BARD1: variants seen among roughly 807,000 people sequenced by gnomAD.
BARD1 encodes BRCA1 associated RING domain 1, also known as BRCA1-associated RING domain protein 1.
In BARD1, 73 loss-of-function variants were observed where a neutral mutation model predicts 77.0. The ratio of observed to expected loss-of-function variants is 0.95; its 90% CI spans 0.79 to 1.15. The LOEUF is 1.15. BARD1 is among the 50% of genes most tolerant of loss of function. The pLI is 0.00. For missense variants in BARD1, 993 were observed against 938.8 expected, an observed-to-expected ratio of 1.06 and a Z score of -0.75; for synonymous variants, 384 against 338.0, an observed-to-expected ratio of 1.14 and a Z score of -1.49.
chr2:214,781,888 A>G (rs1285004186), intron 3 of BARD1, among the ~76,000 whole-genome samples: 1 of 152,210 alleles, frequency 6.6e-6, no homozygotes, highest in Non-Finnish European at 1.5e-5. Context: ...TTCATGAACT[A>G]TAACAATATT....
chr2:214,787,840 A>G (rs1695340899), intron 3 of BARD1, among the ~76,000 whole-genome samples: 1 of 151,980 alleles, frequency 6.6e-6, no homozygotes, highest in South Asian at 2.1e-4. Context: ...AATCATGTAC[A>G]CTGTGTGCCT....
At chr2:214,765,299 GACTC>G (rs1436149152) in intron 6 of BARD1, among the ~76,000 whole-genome samples, 1 of 152,154 alleles carries the variant, frequency 6.6e-6, no homozygotes, top group Admixed American at 6.6e-5. Flanking sequence ...TGTGAAGGCA[GACTC>G]ACTCACTGTC....
chr2:214,730,346 C>T (rs768808840), intron 10 of BARD1, 65 bp downstream of exon 10: 70 of 1,420,232 alleles, frequency 4.9e-5, no homozygotes, highest in Non-Finnish European at 6.9e-5. Context: ...AGAAGTTCTT[C>T]CTGATGGTGA....
chr2:214,730,386 G>A, intron 10 of BARD1, 25 bp downstream of exon 10: 2 of 1,585,740 alleles, frequency 1.3e-6, no homozygotes, highest in Non-Finnish European at 1.7e-6. Flanking sequence ...TAAGAACAAT[G>A]AAAGTTGTAT....
chr2:214,752,527 A>G lies in BARD1; in HGVS notation c.1597T>C (p.Tyr533His). The change falls in exon 7 of 11, where the codon TAT becomes CAT. Residue 533 changes from tyrosine (Y) to histidine (H), a missense_variant. By Grantham distance (83) the Tyr-to-His change is moderately conservative. Coordinates refer to ENST00000260947, the MANE Select transcript of BARD1 (RefSeq NM_000465.4). ...VNIFGLRPVD[Y>H]TDDESMKSLL... ...GATTTCATACTTTCATCATCTGTAT[A>G]ATCGACAGGCCGCAGACCAAATATA... 1 of 1,613,780 alleles carries G rather than the reference A, an allele frequency of 6.2e-7. No individual in the cohort carries two copies. Among genetic ancestry groups the G allele is most frequent in the Non-Finnish European group, 8.5e-7 (1 of 1,179,764 alleles).
At chr2:214,759,971 TG>T (rs1693876762) in intron 6 of BARD1, among the ~76,000 whole-genome samples, 1 of 152,248 alleles carries the variant, frequency 6.6e-6, no homozygotes, top group East Asian at 1.9e-4. Flanking sequence ...TAAATTCACT[TG>T]GCTTTGCAGC....
chr2:214,750,835 C>T (rs116347344), intron 7 of BARD1, among the ~76,000 whole-genome samples: 2,427 of 151,994 alleles, frequency 0.016, 72 homozygotes, highest in African/African-American at 0.055. Flanking sequence ...GAGGACAAAT[C>T]CCCCAAACTG....
At chr2:214,748,238 A>G (rs1693233179) in intron 7 of BARD1, among the ~76,000 whole-genome samples, 1 of 152,230 alleles carries the variant, frequency 6.6e-6, no homozygotes. Flanking sequence ...ACAGTTAAAG[A>G]GTGCTATAAT....
At chr2:214,730,387 A>G (rs1692294694) in intron 10 of BARD1, 24 bp downstream of exon 10, 4 of 1,589,044 alleles carry the variant, frequency 2.5e-6, no homozygotes, top group Admixed American at 3.3e-5. Context: ...AAGAACAATG[A>G]AAGTTGTATT....
chr2:214,798,476 C>T lies in BARD1; in HGVS notation c.159-1359G>A, dbSNP rs562559193. On this transcript the variant is annotated intron_variant, in intron 1 of 10. Coordinates refer to ENST00000260947, the MANE Select transcript of BARD1 (RefSeq NM_000465.4). ...CCATCAAGTGTACTGAATTCTATTT[C>T]GTGGCAAGCTCCTCCTATCATAATA... Among the ~76,000 whole-genome samples, 7 of 152,254 alleles carry T rather than the reference C, an allele frequency of 4.6e-5. No individual in the cohort carries two copies. In the South Asian group the frequency reaches 6.2e-4, roughly 14 times the overall value.
intron 7 of BARD1, among the ~76,000 whole-genome samples, chr2:214,746,859 T>C (rs1295881280): frequency 1.3e-5 from 2 of 152,008 alleles, no homozygotes; most frequent in Non-Finnish European, 2.9e-5. Context: ...ACAAATGGGA[T>C]CTCATTAAAC....
chr2:214,745,901 A>T, intron 7 of BARD1, 47 bp from the exon 8 acceptor site: 1 of 1,599,812 alleles, frequency 6.3e-7, no homozygotes, highest in Non-Finnish European at 8.6e-7. Flanking sequence ...TTAGACGACT[A>T]GACAAAGACA....
intron 2 of BARD1, among the ~76,000 whole-genome samples, chr2:214,796,363 C>T (rs986527275): frequency 6.6e-6 from 1 of 152,104 alleles, no homozygotes; most frequent in Non-Finnish European, 1.5e-5. Context: ...AGGCTCTAGA[C>T]GATCAAGTTA....
At chr2:214,743,997 AACT>A (rs1265194289) in intron 9 of BARD1, among the ~76,000 whole-genome samples, 1 of 152,192 alleles carries the variant, frequency 6.6e-6, no homozygotes, top group Non-Finnish European at 1.5e-5. Flanking sequence ...AATCTTTTGT[AACT>A]ACTAATCTTT....
At position 214,796,858 on chromosome 2, in the gene BARD1, G is replaced by T. The variant is rs1239047479; in HGVS notation, c.215+203C>A. ...CTACTAAGCTTTGTAACTTGGACAA[G>T]TCATCCTCTTTGAGCTTTGGTTTTC... On this transcript the variant is annotated intron_variant, in intron 2 of 10. Coordinates refer to ENST00000260947, the MANE Select transcript of BARD1 (RefSeq NM_000465.4). 13 of 577,674 alleles carry T rather than the reference G, an allele frequency of 2.3e-5. No homozygotes were observed. The African/African-American group carries it at 2.4e-4, about 11-fold the overall frequency. 35.8% of individuals were successfully genotyped at this position (577,674 alleles called of 1,614,324 possible).
intron 6 of BARD1, among the ~76,000 whole-genome samples, chr2:214,759,698 C>T (rs1693859063): frequency 6.6e-6 from 1 of 151,950 alleles, no homozygotes; most frequent in African/African-American, 2.4e-5. Flanking sequence ...TCGAATCCTC[C>T]ATAATTATAA....
intron 4 of BARD1, among the ~76,000 whole-genome samples, chr2:214,775,401 A>C (rs1253597781): frequency 6.6e-6 from 1 of 152,206 alleles, no homozygotes; most frequent in Admixed American, 6.6e-5. Context: ...TAAGCAGAAT[A>C]GTCAGAAAAG....
intron 1 of BARD1, among the ~76,000 whole-genome samples, chr2:214,801,091 A>G (rs1207607460): frequency 6.6e-6 from 1 of 152,248 alleles, no homozygotes; most frequent in Non-Finnish European, 1.5e-5. Flanking sequence ...TGAAGGATGA[A>G]GCAAAGAATG....
chr2:214,749,018 T>A (rs1456311785), intron 7 of BARD1, among the ~76,000 whole-genome samples: 1 of 151,866 alleles, frequency 6.6e-6, no homozygotes, highest in Non-Finnish European at 1.5e-5. Context: ...ATACATTACA[T>A]CAAATGAGAA....
Sources: gnomAD v4.1 joint callset for allele counts (sites outside exome capture counted in the v4.1 genomes callset) on GRCh38, gnomAD v4.1.1 for gene constraint, MANE v1.5 for transcripts, NCBI Gene and HGNC (gene_info 2026-07-23, HGNC 2026-07-21) for gene names.